Variants in DENND2B observed in about 807,000 individuals in gnomAD.
The protein encoded by DENND2B is DENN domain-containing protein 2B.
DENND2B carries 32 observed loss-of-function variants against 116.0 expected under a neutral mutation model. That is an observed-to-expected ratio of 0.28 (90% CI 0.21 to 0.37). The LOEUF is 0.37. Ranked by LOEUF, DENND2B falls within the 10% of genes least tolerant of loss-of-function variation. DENND2B has a pLI of 1.00. For missense variants in DENND2B, 1,276 were observed against 1,477.7 expected, an observed-to-expected ratio of 0.86 and a Z score of 2.24; for synonymous variants, 588 against 583.9, an observed-to-expected ratio of 1.01 and a Z score of -0.10.
At position 8,695,658 on chromosome 11, in the gene DENND2B, A is replaced by G. The variant is rs202099426; in HGVS notation, c.3293-109T>C. ...ACAGATGCCAAAAAAGGAGAAAGAA[A>G]ACATCTGGGATGATAATTTGCAGGA... On this transcript the variant is annotated intron_variant, in intron 18 of 19. Transcript: ENST00000313726. The G allele has an allele frequency of 1.2e-5, 11 of 896,710 alleles. No homozygotes were observed. The East Asian group carries it at 2.7e-4, about 22-fold the overall frequency. 55.5% of individuals were successfully genotyped at this position (896,710 alleles called of 1,614,324 possible).
Position 8,730,728 on chromosome 11 carries a change from G to C in DENND2B, c.562C>G (p.Arg188Gly). Residue 188 changes from arginine to glycine, a missense_variant, in exon 3 of 20, where the codon CGG (arginine) becomes GGG (glycine). Arg to Gly is a moderately radical substitution (Grantham distance 125). This residue lies in a region of DENND2B where 856 missense variants were observed against 846.6 expected (regional missense o/e 1.01). Coordinates refer to ENST00000313726, the MANE Select transcript of DENND2B (RefSeq NM_213618.2). The surrounding 1 kb of genome is among the most constrained non-coding windows in gnomAD (Gnocchi z 4.1). ...GCCCACTCGCTCCCAGAGCCCTCCC[G>C]CTTCTCTCCACACATGCTCATCCTG... ...SPRMSMCGEK[R>G]EGSGSEWAAS... 1.2e-6 allele frequency: 2 copies of C among 1,612,242 alleles called. No homozygotes were observed. Among genetic ancestry groups the C allele is most frequent in the East Asian group, 2.2e-5 (1 of 44,878 alleles).
At chr11:8,728,823 T>G (rs1315345034) in intron 3 of DENND2B, among the ~76,000 whole-genome samples, 1 of 152,234 alleles carries the variant, frequency 6.6e-6, no homozygotes, top group African/African-American at 2.4e-5. Flanking sequence ...CCATGTCCTA[T>G]TTGCCTCTGC....
intron 1 of DENND2B, among the ~76,000 whole-genome samples, chr11:8,751,428 C>A (rs2052463023): frequency 6.6e-6 from 1 of 152,168 alleles, no homozygotes; most frequent in African/African-American, 2.4e-5. Flanking sequence ...GGGTCCCCTT[C>A]CACACTGTGG....
intron 1 of DENND2B, chr11:8,776,146 GCACGCGCGCGCGCGCACACACACACA>G: frequency 3.5e-6 from 1 of 287,040 alleles, no homozygotes; most frequent in Admixed American, 4.1e-5. Flanking sequence ...GCACGTGCGC[GCACGCGCGCGCGCGCACACACACACA>G]CACACACACA....
chr11:8,827,476 A>G (rs2062022282), intron 4 of DENND2B, among the ~76,000 whole-genome samples: 1 of 152,216 alleles, frequency 6.6e-6, no homozygotes, highest in Non-Finnish European at 1.5e-5. Flanking sequence ...AGCCTCTGCC[A>G]TCAGTAATGC....
At chr11:8,863,400 T>C (rs1009416044) in intron 2 of DENND2B, among the ~76,000 whole-genome samples, 1 of 146,978 alleles carries the variant, frequency 6.8e-6, no homozygotes, top group Non-Finnish European at 1.5e-5. Flanking sequence ...GCCTGGCTAA[T>C]TTTTTTGTAT....
intron 1 of DENND2B, among the ~76,000 whole-genome samples, chr11:8,755,127 A>G (rs2053384019): frequency 6.6e-6 from 1 of 152,186 alleles, no homozygotes; most frequent in South Asian, 2.1e-4. Context: ...GCATATTTCC[A>G]ATGTCAAGGT....
At chr11:8,750,914 ACG>A in intron 1 of DENND2B, among the ~76,000 whole-genome samples, 189 bp from the exon 2 acceptor site, 1 of 152,306 alleles carries the variant, frequency 6.6e-6, no homozygotes, top group Non-Finnish European at 1.5e-5. Flanking sequence ...GGCCTGGAAT[ACG>A]GAGGAGTGTG....
intron 1 of DENND2B, among the ~76,000 whole-genome samples, chr11:8,758,952 T>C (rs2054098203): frequency 6.6e-6 from 1 of 152,250 alleles, no homozygotes; most frequent in South Asian, 2.1e-4. Flanking sequence ...GCCTCCTGGC[T>C]GCTTGAAACC....
chr11:8,867,573 CTTTTTT>C (rs33990941), intron 2 of DENND2B, among the ~76,000 whole-genome samples: 1 of 89,230 alleles, frequency 1.1e-5, no homozygotes, highest in Non-Finnish European at 2.0e-5. Context: ...TAAAATTCAG[CTTTTTT>C]TTTTTTTTTT....
At chr11:8,703,976 C>T (rs768611250) in intron 13 of DENND2B, among the ~76,000 whole-genome samples, 1 of 152,180 alleles carries the variant, frequency 6.6e-6, no homozygotes, top group Non-Finnish European at 1.5e-5. Flanking sequence ...CCCCAAAATT[C>T]GCAAGCTCCC....
intron 1 of DENND2B, among the ~76,000 whole-genome samples, chr11:8,892,979 A>T (rs1029302221): frequency 6.6e-6 from 1 of 152,240 alleles, no homozygotes; most frequent in Non-Finnish European, 1.5e-5. Context: ...CCTAGTGAAC[A>T]TCAATGCAAA....
intron 2 of DENND2B, among the ~76,000 whole-genome samples, chr11:8,739,108 T>C (rs185551055): frequency 6.6e-6 from 1 of 152,382 alleles, no homozygotes; most frequent in East Asian, 1.9e-4. Context: ...TTGTGTTGAA[T>C]GACTAAATGA....
At chr11:8,898,480 G>A (rs573979835) in intron 1 of DENND2B, among the ~76,000 whole-genome samples, 4 of 152,248 alleles carry the variant, frequency 2.6e-5, no homozygotes, top group East Asian at 3.9e-4. Flanking sequence ...AATCAACCCC[G>A]TTAACTCACT....
At chr11:8,857,723 G>T (rs1017407065) in intron 2 of DENND2B, among the ~76,000 whole-genome samples, 1 of 152,154 alleles carries the variant, frequency 6.6e-6, no homozygotes, top group Non-Finnish European at 1.5e-5. Flanking sequence ...TAGAAGAAAG[G>T]GAACTAAATT....
chr11:8,861,361 G>A (rs561056523), intron 2 of DENND2B, among the ~76,000 whole-genome samples: 7 of 151,882 alleles, frequency 4.6e-5, no homozygotes, highest in African/African-American at 9.7e-5. Flanking sequence ...ATCAAAAACC[G>A]AGCAAATGAT....
intron 2 of DENND2B, 138 bp from the exon 3 acceptor site, chr11:8,731,347 A>G: frequency 9.5e-6 from 8 of 843,002 alleles, no homozygotes; most frequent in Non-Finnish European, 1.4e-5. Context: ...TATTCAAGTA[A>G]TATACCTTGA....
At chr11:8,903,797 G>A (rs2064200806) in intron 1 of DENND2B, among the ~76,000 whole-genome samples, 1 of 150,462 alleles carries the variant, frequency 6.6e-6, no homozygotes, top group Admixed American at 6.6e-5. Context: ...GCTAAGGTGG[G>A]AGAATCACCT....
At chr11:8,745,705 C>A (rs1300000198) in intron 2 of DENND2B, among the ~76,000 whole-genome samples, 5 of 152,188 alleles carry the variant, frequency 3.3e-5, no homozygotes, top group African/African-American at 1.2e-4. Flanking sequence ...TAAAATGCCA[C>A]GCATTTTTGC....
Sources: allele counts gnomAD v4.1 joint callset (sites outside exome capture counted in the v4.1 genomes callset), GRCh38; gene constraint gnomAD v4.1.1; regional missense constraint gnomAD v4.1.1; non-coding constraint Gnocchi (gnomAD v3.1); transcripts MANE v1.5; gene names NCBI Gene and HGNC (gene_info 2026-07-23, HGNC 2026-07-21).